The following HS6ST3 variants were observed in gnomAD, a reference collection of about 807,000 sequenced individuals.
HS6ST3 encodes heparan-sulfate 6-O-sulfotransferase 3.
In HS6ST3, 12 loss-of-function variants were observed where a neutral mutation model predicts 36.7. The observed-to-expected ratio is 0.33, with a 90% CI of 0.21 to 0.53. The LOEUF (loss-of-function observed/expected upper bound fraction) is 0.53, where lower values mean the gene tolerates loss of function less well. Ranked by LOEUF, HS6ST3 falls within the 20% of genes least tolerant of loss-of-function variation. The probability of loss-of-function intolerance (pLI) is 0.95; values close to 1 mark genes in which losing one functional copy is unlikely to be tolerated. For synonymous variants in HS6ST3, 240 were observed against 257.5 expected (o/e 0.93, Z 0.65); for missense variants, 584 against 640.9 (o/e 0.91, Z 0.96).
intron 1 of HS6ST3, among the ~76,000 whole-genome samples, chr13:96,776,652 A>C (rs1261464581): frequency 6.6e-6 from 1 of 152,216 alleles, no homozygotes; most frequent in South Asian, 2.1e-4. Context: ...GAAGAAGTCG[A>C]ATCCCTGAAT....
At chr13:96,452,679 C>T (rs1680861415) in intron 1 of HS6ST3, among the ~76,000 whole-genome samples, 1 of 151,946 alleles carries the variant, frequency 6.6e-6, no homozygotes, top group Non-Finnish European at 1.5e-5. Context: ...ATGGCTGCTC[C>T]CAGGTCTTGG....
chr13:96,174,671 A>C (rs2054204340), intron 1 of HS6ST3, among the ~76,000 whole-genome samples: 1 of 152,200 alleles, frequency 6.6e-6, no homozygotes, highest in African/African-American at 2.4e-5. Context: ...TCTTTTCTAA[A>C]CTATGTTTAA....
At chr13:96,136,726 T>G in intron 1 of HS6ST3, among the ~76,000 whole-genome samples, 1 of 143,924 alleles carries the variant, frequency 6.9e-6, no homozygotes, top group African/African-American at 2.5e-5. Flanking sequence ...TATAGTAAAA[T>G]GGTTACTACA....
At chr13:96,419,961 G>T (rs1449598641) in intron 1 of HS6ST3, among the ~76,000 whole-genome samples, 2 of 152,156 alleles carry the variant, frequency 1.3e-5, no homozygotes, top group African/African-American at 4.8e-5. Context: ...AAGGGATAGG[G>T]CTTCCTCATG....
chr13:96,640,468 C>T (rs1381362856), intron 1 of HS6ST3, among the ~76,000 whole-genome samples: 1 of 151,892 alleles, frequency 6.6e-6, no homozygotes, highest in Non-Finnish European at 1.5e-5. Context: ...GATATTAGAC[C>T]TCTGTCAGAT....
chr13:96,646,916 TC>T (rs1439874828), intron 1 of HS6ST3, among the ~76,000 whole-genome samples: 1 of 152,000 alleles, frequency 6.6e-6, no homozygotes, highest in African/African-American at 2.4e-5. Context: ...CTCCTTAGAT[TC>T]AGAGGCTCTT....
intron 1 of HS6ST3, among the ~76,000 whole-genome samples, chr13:96,163,260 C>T (rs902809631): frequency 3.0e-5 from 4 of 132,526 alleles, no homozygotes; most frequent in South Asian, 4.8e-4. Context: ...GATGGAGTCT[C>T]GCTCTGTCGC....
intron 1 of HS6ST3, among the ~76,000 whole-genome samples, chr13:96,124,020 G>A (rs1404845010): frequency 6.6e-6 from 1 of 152,150 alleles, no homozygotes; most frequent in Non-Finnish European, 1.5e-5. Context: ...CGTATGCATG[G>A]GCAGTTTAGG....
At chr13:96,168,649 C>T (rs558722079) in intron 1 of HS6ST3, among the ~76,000 whole-genome samples, 33 of 148,408 alleles carry the variant, frequency 2.2e-4, no homozygotes, top group Middle Eastern at 3.5e-3. Context: ...TGTAGTGAGC[C>T]GGGATCATGC....
intron 1 of HS6ST3, among the ~76,000 whole-genome samples, chr13:96,326,957 T>G (rs1210394606): frequency 4.0e-5 from 6 of 150,254 alleles, no homozygotes; most frequent in Admixed American, 3.3e-4. Flanking sequence ...TCATGTGTTT[T>G]TTGGCTGCAT....
intron 1 of HS6ST3, among the ~76,000 whole-genome samples, chr13:96,345,039 A>G (rs1363255910): frequency 1.3e-5 from 2 of 152,200 alleles, no homozygotes; most frequent in Non-Finnish European, 2.9e-5. Flanking sequence ...TGGAAGAAGC[A>G]TTTGGGTTAG....
At chr13:96,744,312 A>C (rs530769079) in intron 1 of HS6ST3, among the ~76,000 whole-genome samples, 1 of 152,220 alleles carries the variant, frequency 6.6e-6, no homozygotes, top group South Asian at 2.1e-4. Context: ...AGAAAACCAT[A>C]AAGAAAATAA....
rs80199465 is a variant in HS6ST3, at chr13:96,566,670, A to T, written c.708-265820A>T. The stretch of plus-strand genomic sequence containing the variant: ...AAAAGTGAACCAAAAAACTAGACAT[A>T]ATTGTAGGATAGTACTTAGCTGTGG... On this transcript the variant is annotated intron_variant, in intron 1 of 1. Transcript: ENST00000376705. 1.7e-3 allele frequency among the ~76,000 whole-genome samples: 263 copies of T among 152,274 alleles called. 1 individual carries two copies. Among genetic ancestry groups the T allele is most frequent in the African/African-American group, 6.1e-3 (253 of 41,562 alleles).
rs144307463 is a variant in HS6ST3, at chr13:96,135,526, T to C, written c.707+43957T>C. 6.2e-4 allele frequency among the ~76,000 whole-genome samples: 95 copies of C among 152,252 alleles called. 2 individuals carry two copies. The East Asian group carries it at 0.018, about 29-fold the overall frequency. ...TTGCTATTGGCGGTATCCCTAGGGC[T>C]GTCATGGAAGAGGAGTTTGCTAACT... On this transcript the variant is annotated intron_variant, in intron 1 of 1. Coordinates refer to ENST00000376705, the MANE Select transcript of HS6ST3 (RefSeq NM_153456.4).
intron 1 of HS6ST3, among the ~76,000 whole-genome samples, chr13:96,212,434 T>C (rs2054403486): frequency 6.6e-6 from 1 of 152,224 alleles, no homozygotes; most frequent in Admixed American, 6.5e-5. Context: ...TTAGAGAAAA[T>C]TAGGAAAATT....
chr13:96,117,397 A>G (rs1317966605), intron 1 of HS6ST3, among the ~76,000 whole-genome samples: 1 of 152,228 alleles, frequency 6.6e-6, no homozygotes, highest in Non-Finnish European at 1.5e-5. Flanking sequence ...CAATAATTGC[A>G]CATTTAAAAT....
At chr13:96,383,486 C>T (rs532612144) in intron 1 of HS6ST3, among the ~76,000 whole-genome samples, 1 of 152,030 alleles carries the variant, frequency 6.6e-6, no homozygotes, top group Non-Finnish European at 1.5e-5. Flanking sequence ...CAAGACAATC[C>T]AGACTCTAGG....
At position 96,279,240 on chromosome 13, in the gene HS6ST3, A is replaced by G. The variant is rs553990924; in HGVS notation, c.707+187671A>G. On this transcript the variant is annotated intron_variant, in intron 1 of 1. Transcript: ENST00000376705. ...AGTCAAATCCAGGCAATCAGAACCC[A>G]GAGTTTTTTCCTTTAATCATTATGC... Among the ~76,000 whole-genome samples, 108 of 152,304 alleles carry G rather than the reference A, an allele frequency of 7.1e-4. 1 individual carries two copies. Among genetic ancestry groups the G allele is most frequent in the African/African-American group, 2.6e-3 (107 of 41,578 alleles).
intron 1 of HS6ST3, among the ~76,000 whole-genome samples, chr13:96,383,147 G>C (rs190962629): frequency 6.6e-6 from 1 of 151,502 alleles, no homozygotes; most frequent in African/African-American, 2.4e-5. Flanking sequence ...GAGGTGAGAT[G>C]GATGAGGTAA....
Sources: allele counts gnomAD v4.1 joint callset (sites outside exome capture counted in the v4.1 genomes callset), GRCh38; gene constraint gnomAD v4.1.1; transcripts MANE v1.5; gene names NCBI Gene and HGNC (gene_info 2026-07-23, HGNC 2026-07-21).